SSBP3: variants seen among roughly 807,000 people sequenced by gnomAD.
SSBP3 encodes the protein single-stranded DNA-binding protein 3.
In SSBP3, 5 loss-of-function variants were observed where a neutral mutation model predicts 69.6. The ratio of observed to expected loss-of-function variants is 0.07; its 90% CI spans 0.04 to 0.15. The LOEUF is 0.15. Ranked by LOEUF, SSBP3 falls within the 10% of genes least tolerant of loss-of-function variation. The pLI, the probability that SSBP3 is intolerant of heterozygous loss-of-function variation, is 1.00. For synonymous variants in SSBP3, 196 were observed against 193.4 expected, an observed-to-expected ratio of 1.01 and a Z score of -0.11; for missense variants, 312 against 534.0, an observed-to-expected ratio of 0.58 and a Z score of 4.10.
At chr1:54,370,245 C>T (rs534215554) in intron 4 of SSBP3, among the ~76,000 whole-genome samples, 1 of 152,196 alleles carries the variant, frequency 6.6e-6, no homozygotes, top group Non-Finnish European at 1.5e-5. Context: ...CTGCATCCAA[C>T]TTTCACTTAT....
upstream of SSBP3, among the ~76,000 whole-genome samples, chr1:54,409,305 C>T (rs1473048008): frequency 1.3e-5 from 2 of 152,152 alleles, no homozygotes; most frequent in Non-Finnish European, 2.9e-5. Flanking sequence ...ACCTGTCCTT[C>T]TGTCCCTCCA....
chr1:54,292,308 T>C (rs909489275), intron 4 of SSBP3, among the ~76,000 whole-genome samples: 10 of 152,214 alleles, frequency 6.6e-5, no homozygotes, highest in Non-Finnish European at 1.5e-5. Flanking sequence ...AAGAGAGGAC[T>C]ATAGCTTGGC....
chr1:54,335,490 G>GC (rs1287394571), intron 4 of SSBP3, among the ~76,000 whole-genome samples: 1 of 152,184 alleles, frequency 6.6e-6, no homozygotes, highest in Non-Finnish European at 1.5e-5. Flanking sequence ...CATGCAATCT[G>GC]CCCTGCATGG....
At chr1:54,286,373 C>T (rs1645490057) in intron 4 of SSBP3, 1 of 152,256 alleles carries the variant, frequency 6.6e-6, no homozygotes, top group African/African-American at 2.4e-5. Context: ...GAGGCCCATT[C>T]CAGCCAGGTG....
intron 4 of SSBP3, among the ~76,000 whole-genome samples, chr1:54,383,015 G>GAAAGAAAGAAAGA (rs1312384857): frequency 7.1e-6 from 1 of 140,950 alleles, no homozygotes; most frequent in Non-Finnish European, 1.5e-5. Flanking sequence ...GAGAGAGAGA[G>GAAAGAAAGAAAGA]AAAGAAAGAA....
chr1:54,330,132 C>T (rs955401929), intron 4 of SSBP3, among the ~76,000 whole-genome samples: 4 of 152,228 alleles, frequency 2.6e-5, no homozygotes, highest in East Asian at 3.9e-4. Flanking sequence ...ATGGATCCCC[C>T]GCACAGGCAG....
intron 4 of SSBP3, among the ~76,000 whole-genome samples, chr1:54,340,779 C>T (rs1359045648): frequency 6.6e-6 from 1 of 152,138 alleles, no homozygotes; most frequent in African/African-American, 2.4e-5. Flanking sequence ...CCATGAACAC[C>T]CAGGACACTC....
At chr1:54,289,039 A>AAAC (rs1645552811) in intron 4 of SSBP3, among the ~76,000 whole-genome samples, 1 of 53,610 alleles carries the variant, frequency 1.9e-5, no homozygotes, top group Admixed American at 1.5e-4. Context: ...AAAAAAAACA[A>AAAC]AAAAACAAAA....
intron 4 of SSBP3, among the ~76,000 whole-genome samples, chr1:54,372,443 C>T (rs56339750): frequency 0.1 from 15,238 of 152,206 alleles, 996 homozygotes; most frequent in East Asian, 0.27. Flanking sequence ...AGGAAGCCTT[C>T]CCAGCCCCTA....
intron 4 of SSBP3, among the ~76,000 whole-genome samples, chr1:54,314,429 CAT>C (rs1354561116): frequency 5.9e-5 from 9 of 152,372 alleles, no homozygotes; most frequent in East Asian, 1.9e-4. Flanking sequence ...TTATATCACA[CAT>C]GTCACCAAAG....
At chr1:54,339,912 A>G (rs1283837279) in intron 4 of SSBP3, among the ~76,000 whole-genome samples, 1 of 152,170 alleles carries the variant, frequency 6.6e-6, no homozygotes, top group Non-Finnish European at 1.5e-5. Flanking sequence ...AAACTCCATC[A>G]AAGAAAGAAA....
At chr1:54,380,031 C>T (rs1331598705) in intron 4 of SSBP3, among the ~76,000 whole-genome samples, 1 of 152,200 alleles carries the variant, frequency 6.6e-6, no homozygotes, top group Non-Finnish European at 1.5e-5. Context: ...AGAGCCTGTA[C>T]ACCCAGGGGT....
At chr1:54,309,493 G>A (rs954708546) in intron 4 of SSBP3, among the ~76,000 whole-genome samples, 2 of 152,194 alleles carry the variant, frequency 1.3e-5, no homozygotes, top group African/African-American at 4.8e-5. Context: ...CTGATATCTA[G>A]GGAAACATTC....
chr1:54,282,347 C>T (rs1345146678), intron 4 of SSBP3, among the ~76,000 whole-genome samples: 1 of 152,206 alleles, frequency 6.6e-6, no homozygotes, highest in East Asian at 1.9e-4. Flanking sequence ...AATGAACAGA[C>T]CAACTGGGAA....
intron 4 of SSBP3, chr1:54,335,688 G>A (rs1646496048): frequency 6.6e-6 from 1 of 152,202 alleles, no homozygotes; most frequent in Non-Finnish European, 1.5e-5. Flanking sequence ...AAGGCGCAAG[G>A]CTCATTTCTG....
chr1:54,385,234 C>T (rs988536759), intron 4 of SSBP3, among the ~76,000 whole-genome samples: 6 of 152,160 alleles, frequency 3.9e-5, no homozygotes, highest in African/African-American at 1.4e-4. Flanking sequence ...AAACACATCC[C>T]TGGCCCTTCT....
At chr1:54,380,336 C>T (rs1647527382) in intron 4 of SSBP3, among the ~76,000 whole-genome samples, 1 of 152,166 alleles carries the variant, frequency 6.6e-6, no homozygotes, top group African/African-American at 2.4e-5. Flanking sequence ...GTCTTGATTA[C>T]ACCCTGGACA....
At chr1:54,404,414 C>A (rs1553151355) in intron 3 of SSBP3, among the ~76,000 whole-genome samples, 162 bp downstream of exon 3, 1 of 152,252 alleles carries the variant, frequency 6.6e-6, no homozygotes, top group Non-Finnish European at 1.5e-5. Flanking sequence ...CCGCCCTTCT[C>A]CTCCTTGGCC....
intron 5 of SSBP3, among the ~76,000 whole-genome samples, chr1:54,261,738 G>A (rs574979747): frequency 7.9e-5 from 12 of 152,308 alleles, no homozygotes; most frequent in Middle Eastern, 3.4e-3. Flanking sequence ...CGGTTCCAGA[G>A]GCTGCCTAAT....
Sources: allele counts gnomAD v4.1 joint callset (sites outside exome capture counted in the v4.1 genomes callset), GRCh38; gene constraint gnomAD v4.1.1; transcripts MANE v1.5; gene names NCBI Gene and HGNC (gene_info 2026-07-23, HGNC 2026-07-21).